PTPRG: variants seen among roughly 807,000 people sequenced by gnomAD.
PTPRG encodes receptor-type tyrosine-protein phosphatase gamma.
PTPRG carries 102 observed loss-of-function variants against 165.3 expected under a neutral mutation model. That is an observed-to-expected ratio of 0.62 (90% confidence interval 0.53 to 0.73). The LOEUF is 0.73. Among genes scored for constraint, PTPRG ranks in the 30% least tolerant of loss-of-function variants. The pLI is 0.00. For missense variants in PTPRG, 1,866 were observed against 1,861.4 expected, an observed-to-expected ratio of 1.00 and a Z score of -0.05; for synonymous variants, 675 against 669.5, an observed-to-expected ratio of 1.01 and a Z score of -0.13.
rs1008214911 is a variant in PTPRG, at chr3:62,291,508, T to C, written c.4056-913T>C. On this transcript the variant is annotated intron_variant, in intron 28 of 29. Coordinates refer to ENST00000474889, the MANE Select transcript of PTPRG (RefSeq NM_002841.4). ...CTACACGTGTAATAATTTTTACCTC[T>C]GGAGAGGTTACCTCTAAAGTTGGGG... Among the ~76,000 whole-genome samples the C allele has an allele frequency of 5.9e-5, 9 of 152,100 alleles. 1 individual carries two copies. The highest frequency in any genetic ancestry group is 1.9e-4 in the African/African-American group (8 of 41,422).
chr3:61,594,157 A>C (rs557364424), intron 1 of PTPRG, among the ~76,000 whole-genome samples: 1 of 152,274 alleles, frequency 6.6e-6, no homozygotes, highest in African/African-American at 2.4e-5. Flanking sequence ...GATTGAGTGA[A>C]TAAGTATTTG....
chr3:61,607,996 T>G (rs958346748), intron 1 of PTPRG, among the ~76,000 whole-genome samples: 4 of 152,148 alleles, frequency 2.6e-5, no homozygotes, highest in African/African-American at 9.7e-5. Flanking sequence ...TTTACCTAAT[T>G]ACTTCCAATT....
At position 61,725,165 on chromosome 3, in the gene PTPRG, C is replaced by T. The variant is rs139241095; in HGVS notation, c.86-23713C>T. ...ATTTTTGTGTAAGTTGTGAGATTTA[C>T]GTTGAGATACGCTTTTTTTTGGGAC... On this transcript the variant is annotated intron_variant, in intron 1 of 29. Transcript: ENST00000474889. Among the ~76,000 whole-genome samples, 14 of 152,170 alleles carry T rather than the reference C, an allele frequency of 9.2e-5. No individual in the cohort carries two copies. The East Asian group carries it at 2.5e-3, about 27-fold the overall frequency.
chr3:62,246,014 TAAG>T (rs1405371466), intron 15 of PTPRG, among the ~76,000 whole-genome samples: 1 of 152,184 alleles, frequency 6.6e-6, no homozygotes, highest in Non-Finnish European at 1.5e-5. Context: ...CCTATTTAAT[TAAG>T]AAGTTAAATA....
At chr3:62,154,008 T>C (rs1704442204) in intron 6 of PTPRG, among the ~76,000 whole-genome samples, 2 of 152,228 alleles carry the variant, frequency 1.3e-5, no homozygotes, top group Non-Finnish European at 1.5e-5. Context: ...ATTCTTCACA[T>C]GTTTTTGACC....
chr3:62,144,606 G>A (rs1704050744), intron 6 of PTPRG, among the ~76,000 whole-genome samples: 1 of 152,076 alleles, frequency 6.6e-6, no homozygotes, highest in African/African-American at 2.4e-5. Flanking sequence ...CCTGATCTTG[G>A]CTAATTGGCT....
chr3:62,023,856 C>T (rs1392981212), intron 4 of PTPRG, among the ~76,000 whole-genome samples: 2 of 152,060 alleles, frequency 1.3e-5, no homozygotes, highest in Non-Finnish European at 1.5e-5. Context: ...CAGAAATGCT[C>T]ATGAGAACAT....
intron 6 of PTPRG, among the ~76,000 whole-genome samples, chr3:62,153,687 T>C (rs1168511774): frequency 6.6e-6 from 1 of 152,218 alleles, no homozygotes; most frequent in African/African-American, 2.4e-5. Context: ...GTATGAGATG[T>C]TTACTGTGTT....
chr3:61,598,270 G>A (rs1347375775), intron 1 of PTPRG, among the ~76,000 whole-genome samples: 3 of 152,166 alleles, frequency 2.0e-5, no homozygotes, highest in African/African-American at 7.2e-5. Flanking sequence ...GAATGGGTCC[G>A]CATTTCCCCT....
Position 61,562,201 on chromosome 3 carries a change from C to T in PTPRG, c.-87C>T, listed in dbSNP as rs1480223451. 2.2e-5 allele frequency: 28 copies of T among 1,289,194 alleles called. No individual in the cohort carries two copies. The highest frequency in any genetic ancestry group is 2.8e-5 in the Non-Finnish European group (25 of 892,490). The allele number at this position is 1,289,194 out of a possible 1,614,324, so 79.9% of individuals were successfully genotyped here. On this transcript the variant is annotated 5_prime_UTR_variant, in exon 1 of 30. Transcript: ENST00000474889. ...GAGCGGGCGAGCCGGGGAAGCGCCC[C>T]GGCTTAGCGGAGGCTCGCACGGAGG...
At chr3:62,167,858 C>A (rs751781694) in intron 7 of PTPRG, 113 bp from the exon 8 acceptor site, 2 of 1,087,250 alleles carry the variant, frequency 1.8e-6, no homozygotes, top group Non-Finnish European at 2.7e-6. Context: ...CACTTCCTAC[C>A]GTTTCATGCT....
chr3:61,892,181 A>C (rs1003031355), intron 2 of PTPRG, among the ~76,000 whole-genome samples: 10 of 152,144 alleles, frequency 6.6e-5, no homozygotes, highest in African/African-American at 2.4e-4. Flanking sequence ...AATCCATTCA[A>C]CTAGTTCAAG....
At chr3:62,279,207 A>G (rs1413130504) in intron 26 of PTPRG, among the ~76,000 whole-genome samples, 1 of 152,036 alleles carries the variant, frequency 6.6e-6, no homozygotes, top group Non-Finnish European at 1.5e-5. Flanking sequence ...AAGGAGCCCA[A>G]AAGTCACTGC....
chr3:61,840,935 C>G (rs2036614067), intron 2 of PTPRG, among the ~76,000 whole-genome samples: 1 of 151,928 alleles, frequency 6.6e-6, no homozygotes, highest in Non-Finnish European at 1.5e-5. Context: ...GGGCCTGCCG[C>G]TATGCCTGGC....
chr3:61,714,245 T>C (rs2031704268), intron 1 of PTPRG, among the ~76,000 whole-genome samples: 2 of 152,162 alleles, frequency 1.3e-5, no homozygotes, highest in South Asian at 2.1e-4. Context: ...TTGTCTTCTA[T>C]TATTTCTCCA....
chr3:62,253,358 A>G (rs1481831672), intron 15 of PTPRG, among the ~76,000 whole-genome samples: 2 of 152,162 alleles, frequency 1.3e-5, no homozygotes. Context: ...GCCCTTGAAA[A>G]TAGTGTTGTA....
At chr3:61,949,988 C>A (rs529103713) in intron 2 of PTPRG, among the ~76,000 whole-genome samples, 1 of 152,150 alleles carries the variant, frequency 6.6e-6, no homozygotes, top group South Asian at 2.1e-4. Flanking sequence ...CCTCATGATC[C>A]GCCTGCCTCG....
rs1436223597 is a variant in PTPRG at position 62,224,091 on chromosome 3, G to C, written c.2288+5108G>C. 6.6e-6 allele frequency among the ~76,000 whole-genome samples: 1 copy of C among 152,156 alleles called. No individual in the cohort carries two copies. The highest frequency in any genetic ancestry group is 1.5e-5 in the Non-Finnish European group (1 of 68,032). On this transcript the variant is annotated intron_variant, in intron 13 of 29. Coordinates refer to ENST00000474889, the MANE Select transcript of PTPRG (RefSeq NM_002841.4). This position sits in a 1 kb window ranked among gnomAD's most constrained non-coding sequence, Gnocchi z 4.9. Reference sequence around the variant, plus strand: ...TAATGTTAATGAAATTGGTTTGGGTGATGCTCCTAATAGGCCTTAAAGTCA... The same window carrying C: ...TAATGTTAATGAAATTGGTTTGGGTCATGCTCCTAATAGGCCTTAAAGTCA...
rs1365005086 is a variant in PTPRG, at chr3:62,273,159, A to T, written c.3318+78A>T. The T allele has an allele frequency of 7.0e-7, 1 of 1,427,484 alleles. No individual in the cohort carries two copies. Among genetic ancestry groups the T allele is most frequent in the Non-Finnish European group, 9.4e-7 (1 of 1,061,826 alleles). The allele number at this position is 1,427,484 out of a possible 1,614,324, so 88.4% of individuals were successfully genotyped here. On this transcript the variant is annotated intron_variant, in intron 22 of 29. Transcript: ENST00000474889. This position sits in a 1 kb window ranked among gnomAD's most constrained non-coding sequence, Gnocchi z 4.1. Reference sequence around the variant, plus strand: ...AAATTTGTTAAATGATAATGAAGAGACAGATTCATTCTTTTAGGGCTTGCA... The same window carrying T: ...AAATTTGTTAAATGATAATGAAGAGTCAGATTCATTCTTTTAGGGCTTGCA...
Sources: allele counts gnomAD v4.1 joint callset (sites outside exome capture counted in the v4.1 genomes callset), GRCh38; gene constraint gnomAD v4.1.1; non-coding constraint Gnocchi (gnomAD v3.1); transcripts MANE v1.5; gene names NCBI Gene and HGNC (gene_info 2026-07-23, HGNC 2026-07-21).